The following APEH variants were observed in gnomAD, a reference collection of about 807,000 sequenced individuals.
APEH encodes acylaminoacyl-peptide hydrolase, also known as acylamino-acid-releasing enzyme.
APEH carries 75 observed loss-of-function variants against 102.7 expected under a neutral mutation model. That is an observed-to-expected ratio of 0.73 (90% confidence interval 0.61 to 0.89). The LOEUF (loss-of-function observed/expected upper bound fraction) is 0.89, where lower values mean the gene tolerates loss of function less well. APEH is among the 40% of genes least tolerant of loss of function. The pLI is 0.00. For synonymous variants in APEH, 344 were observed against 362.7 expected, an observed-to-expected ratio of 0.95 and a Z score of 0.59; for missense variants, 863 against 941.2, an observed-to-expected ratio of 0.92 and a Z score of 1.09.
rs1338453354 is a variant in APEH, at chr3:49,675,209, A to G, written c.172A>G (p.Met58Val). ...GTGGACCCAGAGGGACCTGGAACGC[A>G]TGGAGAACATTCGATTCTGCCGCCA... ...TEWTQRDLERMENIRFCRQYL... is the reference protein window; with the variant it reads ...TEWTQRDLERVENIRFCRQYL... The change falls in exon 3 of 22, where the codon ATG (methionine) becomes GTG (valine). Residue 58 changes from methionine (M) to valine (V), a missense_variant. Physicochemically the swap from Met to Val is conservative, Grantham distance 21. Coordinates refer to ENST00000296456, the MANE Select transcript of APEH (RefSeq NM_001640.4). 6.2e-7 allele frequency: 1 copy of G among 1,613,944 alleles called. No homozygotes were observed. Among genetic ancestry groups the G allele is most frequent in the Admixed American group, 1.7e-5 (1 of 59,998 alleles).
chr3:49,675,484 C>T, intron 3 of APEH, 175 bp downstream of exon 3: 2 of 1,081,664 alleles, frequency 1.8e-6, no homozygotes, highest in East Asian at 2.6e-5. Context: ...TTGCTCCAAA[C>T]TCAGCCTGGA....
chr3:49,683,032 A>T lies in APEH; in HGVS notation c.1987-8A>T. The T allele has an allele frequency of 6.2e-7, 1 of 1,613,138 alleles. No homozygotes were observed. The highest frequency in any genetic ancestry group is 8.5e-7 in the Non-Finnish European group (1 of 1,179,396). The stretch of plus-strand genomic sequence containing the variant: ...AACACAGCTCCCCACTCTTCCCCAA[A>T]CACCCAGGTGAAGACACCACTGTTA... On this transcript the variant is annotated splice_region_variant and splice_polypyrimidine_tract_variant and intron_variant, in intron 20 of 21. Coordinates refer to ENST00000296456, the MANE Select transcript of APEH (RefSeq NM_001640.4).
chr3:49,679,216 CG>C lies in APEH; in HGVS notation c.1158+270del, dbSNP rs1036579031. Among the ~76,000 whole-genome samples the C allele has an allele frequency of 1.3e-5, 2 of 152,154 alleles. No individual in the cohort carries two copies. The highest frequency in any genetic ancestry group is 2.9e-5 in the Non-Finnish European group (2 of 68,002). The stretch of plus-strand genomic sequence containing the variant: ...GCTGGGGGTCAAGGGGACTGCCACT[CG>C]GGTGGGTCCCTGAACACTCTGTAAT... On this transcript the variant is annotated intron_variant, in intron 12 of 21. Coordinates refer to ENST00000296456, the MANE Select transcript of APEH (RefSeq NM_001640.4). The surrounding 1 kb of genome is among the most constrained non-coding windows in gnomAD (Gnocchi z 4.3).
rs886234878 is a variant in APEH, at chr3:49,676,913, G to A, written c.888G>A (p.Ser296=). Residue 296 remains serine (S), a synonymous_variant, in exon 10 of 22, where the codon TCG becomes TCA. Coordinates refer to ENST00000296456, the MANE Select transcript of APEH (RefSeq NM_001640.4). ...TTCCATCTGGCCCAGAGCTCCTCTCGGATGACTCCCTGGCTGTCTCTTCTC... is the reference window on the plus strand; with the variant it reads ...TTCCATCTGGCCCAGAGCTCCTCTCAGATGACTCCCTGGCTGTCTCTTCTC... ...DLIGGKCELL[S]DDSLAVSSPR... The A allele has an allele frequency of 6.2e-6, 10 of 1,614,078 alleles. No individual in the cohort carries two copies. The highest frequency in any genetic ancestry group is 1.6e-4 in the Middle Eastern group (1 of 6,084).
At position 49,676,223 on chromosome 3, in the gene APEH, C is replaced by T. The variant is rs750647145; in HGVS notation, c.606+4C>T. The T allele has an allele frequency of 8.7e-6, 14 of 1,613,660 alleles. No homozygotes were observed. In the East Asian group the frequency reaches 3.1e-4, roughly 36 times the overall value. On this transcript the variant is annotated splice_donor_region_variant and intron_variant, in intron 6 of 21. Coordinates refer to ENST00000296456, the MANE Select transcript of APEH (RefSeq NM_001640.4). ...GAAGCCAGACCAAGCCATCAAGGTG[C>T]TCGTGGTCAATCCACGAAGGCCCGG...
At chr3:49,678,692 C>G (rs1027602385) in intron 11 of APEH, among the ~76,000 whole-genome samples, 160 bp from the exon 12 acceptor site, 1 of 152,192 alleles carries the variant, frequency 6.6e-6, no homozygotes, top group African/African-American at 2.4e-5. Flanking sequence ...CAGGCAGCTC[C>G]TCATCGCGTA....
chr3:49,673,125 G>C (rs2052852376), upstream of APEH, among the ~76,000 whole-genome samples: 4 of 36,792 alleles, frequency 1.1e-4, no homozygotes, highest in Admixed American at 3.2e-4. Context: ...TACTTAACTA[G>C]TTATCTTGAG....
intron 14 of APEH, 116 bp downstream of exon 14, chr3:49,680,745 A>G: frequency 1.1e-6 from 1 of 933,312 alleles, no homozygotes; most frequent in South Asian, 1.5e-5. Flanking sequence ...AGACGGGCCA[A>G]GACACAGGCC....
intron 18 of APEH, 50 bp downstream of exon 18, chr3:49,682,486 G>C: frequency 6.2e-7 from 1 of 1,612,514 alleles, no homozygotes; most frequent in South Asian, 1.1e-5. Context: ...GCTGCCAGGG[G>C]GATGCCTCCA....
chr3:49,675,289 C>T lies in APEH; in HGVS notation c.252C>T (p.Asn84=). ...DSVVFAGPAG[N]SVETRGELLS... ...TGGTGTTTGCAGGACCTGCAGGCAA[C>T]AGTGTGGAGACCCGGGGGGAGTAAG... The change falls in exon 3 of 22, where the codon AAC becomes AAT. Residue 84 remains asparagine (N), a synonymous_variant. Transcript: ENST00000296456. 6.2e-7 allele frequency: 1 copy of T among 1,613,914 alleles called. No individual in the cohort carries two copies. The highest frequency in any genetic ancestry group is 8.5e-7 in the Non-Finnish European group (1 of 1,179,932).
In APEH at chr3:49,675,174, C is replaced by G. The variant is rs2052966750; in HGVS notation, c.146-9C>G. ...GACAAGGTGAGCAGTCTCATGCCTC[C>G]CCTCACAGAGTGGACCCAGAGGGAC... On this transcript the variant is annotated splice_polypyrimidine_tract_variant and intron_variant, in intron 2 of 21. Coordinates refer to ENST00000296456, the MANE Select transcript of APEH (RefSeq NM_001640.4). 6.2e-7 allele frequency: 1 copy of G among 1,613,724 alleles called. No homozygotes were observed. The highest frequency in any genetic ancestry group is 8.5e-7 in the Non-Finnish European group (1 of 1,179,880).
In APEH at chr3:49,676,698, C is replaced by T. The variant is rs751054791; in HGVS notation, c.834C>T (p.Arg278=). The T allele has an allele frequency of 1.2e-6, 2 of 1,614,250 alleles. No homozygotes were observed. ...FRLGIRFCTN[R]RSALYYVDLI... Reference sequence around the variant, plus strand: ...TGGGCATCCGCTTTTGCACCAATCGCAGGTGAGGGAGTGGGGCAAGGCAAG... The same window carrying T: ...TGGGCATCCGCTTTTGCACCAATCGTAGGTGAGGGAGTGGGGCAAGGCAAG... The change falls in exon 8 of 22, where the codon CGC becomes CGT. Residue 278 remains arginine (R), a splice_region_variant and synonymous_variant. Transcript: ENST00000296456.
intron 11 of APEH, 69 bp downstream of exon 11, chr3:49,677,702 C>A: frequency 1.4e-6 from 2 of 1,432,572 alleles, no homozygotes; most frequent in Non-Finnish European, 2.0e-6. Context: ...CTGTTGCATC[C>A]CTGCCCCGTT....
intron 17 of APEH, 95 bp from the exon 18 acceptor site, chr3:49,682,253 T>C: frequency 7.8e-7 from 1 of 1,276,440 alleles, no homozygotes; most frequent in Non-Finnish European, 1.1e-6. Flanking sequence ...GTGGTATAGC[T>C]GGCCCCAGGG....
rs772497558 is a variant in APEH at position 49,683,346 on chromosome 3, C to T, written c.*4C>T. 1.4e-5 allele frequency: 23 copies of T among 1,607,628 alleles called. No homozygotes were observed. In the Middle Eastern group the frequency reaches 2.3e-3, roughly 162 times the overall value. The stretch of plus-strand genomic sequence containing the variant: ...ACGCACACACTTGGGCAGCTGAAGC[C>T]CTGCCATTCTGCATGAGCTGATCAG... On this transcript the variant is annotated 3_prime_UTR_variant, in exon 22 of 22. Transcript: ENST00000296456.
chr3:49,682,158 C>T (rs1419262474), intron 17 of APEH, among the ~76,000 whole-genome samples, 190 bp from the exon 18 acceptor site: 8 of 152,370 alleles, frequency 5.3e-5, no homozygotes, highest in East Asian at 1.9e-4. Flanking sequence ...AGGACTAACT[C>T]GGGACTTCCA....
At position 49,682,379 on chromosome 3, in the gene APEH, G is replaced by A. The variant is rs2053376858; in HGVS notation, c.1635G>A (p.Gln545=). 1 of 1,613,958 alleles carries A rather than the reference G, an allele frequency of 6.2e-7. No individual in the cohort carries two copies. The highest frequency in any genetic ancestry group is 8.5e-7 in the Non-Finnish European group (1 of 1,179,928). Residue 545 remains glutamine (Q), a synonymous_variant, in exon 18 of 22, where the codon CAG becomes CAA. Transcript: ENST00000296456. ...VNYRGSTGFG[Q]DSILSLPGNV... is the part of the protein sequence containing the mutation. Reference sequence around the variant, plus strand: ...ATCGTGGCTCCACGGGCTTTGGCCAGGACAGCATCCTCTCCCTCCCAGGCA... The same window carrying A: ...ATCGTGGCTCCACGGGCTTTGGCCAAGACAGCATCCTCTCCCTCCCAGGCA...
intron 17 of APEH, 136 bp downstream of exon 17, chr3:49,682,103 G>T: frequency 9.6e-7 from 1 of 1,046,724 alleles, no homozygotes; most frequent in South Asian, 1.5e-5. Context: ...CCACTACCAG[G>T]AACTGCTGGG....
chr3:49,676,385 A>G lies in APEH; in HGVS notation c.614A>G (p.Gln205Arg). Reference sequence around the variant, plus strand: ...AGTATCTTGTGTTCTCAGGGGGATCAGTTTGTGTTTTATGAAGACTGGGGA... The same window carrying G: ...AGTATCTTGTGTTCTCAGGGGGATCGGTTTGTGTTTTATGAAGACTGGGGA... ...KKPDQAIKGDQFVFYEDWGEN... is the reference protein window; with the variant it reads ...KKPDQAIKGDRFVFYEDWGEN... The change falls in exon 7 of 22, where the codon CAG (glutamine) becomes CGG (arginine). Residue 205 changes from glutamine to arginine, a missense_variant. Transcript: ENST00000296456. 1 of 1,614,212 alleles carries G rather than the reference A, an allele frequency of 6.2e-7. No individual in the cohort carries two copies.
Sources: allele counts gnomAD v4.1 joint callset (sites outside exome capture counted in the v4.1 genomes callset), GRCh38; gene constraint gnomAD v4.1.1; non-coding constraint Gnocchi (gnomAD v3.1); transcripts MANE v1.5; gene names NCBI Gene and HGNC (gene_info 2026-07-23, HGNC 2026-07-21).